Variants in NYAP2 observed in about 807,000 individuals in gnomAD.
NYAP2 encodes the protein neuronal tyrosine-phosphorylated phosphoinositide-3-kinase adaptor 2, also known as neuronal tyrosine-phosphorylated phosphoinositide-3-kinase adapter 2.
NYAP2 carries 23 observed loss-of-function variants against 50.4 expected under a neutral mutation model. The ratio of observed to expected loss-of-function variants is 0.46; its 90% CI spans 0.33 to 0.65. NYAP2 has a LOEUF of 0.65. Ranked by LOEUF, NYAP2 falls within the 30% of genes least tolerant of loss-of-function variation. The probability of loss-of-function intolerance (pLI) is 0.02; values close to 1 mark genes in which losing one functional copy is unlikely to be tolerated. For missense variants in NYAP2, 885 were observed against 861.0 expected, an observed-to-expected ratio of 1.03 and a Z score of -0.35; for synonymous variants, 394 against 365.2, an observed-to-expected ratio of 1.08 and a Z score of -0.90.
intron 2 of NYAP2, among the ~76,000 whole-genome samples, chr2:225,406,580 C>T (rs1041525608): frequency 1.3e-5 from 2 of 151,834 alleles, no homozygotes; most frequent in Non-Finnish European, 2.9e-5. Flanking sequence ...AAAGAATGGT[C>T]ATGGAATTTA....
At chr2:225,583,119 A>T in intron 5 of NYAP2, 84 bp downstream of exon 5, 2 of 1,449,666 alleles carry the variant, frequency 1.4e-6, no homozygotes, top group Admixed American at 4.8e-5. Context: ...CAGATAACGC[A>T]CAGAGTACGG....
intron 3 of NYAP2, among the ~76,000 whole-genome samples, chr2:225,485,679 C>T (rs1203906913): frequency 6.6e-6 from 1 of 152,170 alleles, no homozygotes; most frequent in Non-Finnish European, 1.5e-5. Flanking sequence ...ATTCAGTCCC[C>T]TCTTACTGAA....
intron 3 of NYAP2, among the ~76,000 whole-genome samples, chr2:225,487,601 C>A (rs1366461056): frequency 6.6e-6 from 1 of 152,080 alleles, no homozygotes; most frequent in African/African-American, 2.4e-5. Flanking sequence ...CTCAAGTGAT[C>A]CAACTGCTTC....
chr2:225,437,545 A>G (rs942005287), intron 3 of NYAP2, among the ~76,000 whole-genome samples: 1 of 152,166 alleles, frequency 6.6e-6, no homozygotes, highest in African/African-American at 2.4e-5. Flanking sequence ...ACTTCCTGCC[A>G]CTAATTGGAA....
intron 3 of NYAP2, among the ~76,000 whole-genome samples, chr2:225,497,524 GT>G (rs1690528936): frequency 6.6e-6 from 1 of 152,146 alleles, no homozygotes; most frequent in Non-Finnish European, 1.5e-5. Flanking sequence ...AAGGTGATGT[GT>G]CCAATAGAAA....
At chr2:225,691,242 T>C in the NYAP2 span, among the ~76,000 whole-genome samples, 2 of 152,124 alleles carry the variant, frequency 1.3e-5, no homozygotes, top group Admixed American at 6.6e-5. Flanking sequence ...TATTTCCAGC[T>C]TTATGAGCCT....
intron 4 of NYAP2, among the ~76,000 whole-genome samples, chr2:225,561,637 T>C (rs1691875965): frequency 6.6e-6 from 1 of 152,010 alleles, no homozygotes; most frequent in East Asian, 1.9e-4. Context: ...CACAGAGGCA[T>C]AGAGGCAGCT....
At chr2:225,607,353 C>T (rs1284229648) in intron 5 of NYAP2, among the ~76,000 whole-genome samples, 1 of 152,036 alleles carries the variant, frequency 6.6e-6, no homozygotes, top group African/African-American at 2.4e-5. Context: ...TGTACTATGC[C>T]AGTCTATTCA....
the NYAP2 span, among the ~76,000 whole-genome samples, chr2:225,679,393 G>A: frequency 6.6e-6 from 1 of 151,278 alleles, no homozygotes; most frequent in South Asian, 2.1e-4. Context: ...ATATTTAATT[G>A]AAGTAATTCT....
chr2:225,689,667 T>C, the NYAP2 span, among the ~76,000 whole-genome samples: 11 of 152,184 alleles, frequency 7.2e-5, no homozygotes, highest in Non-Finnish European at 1.6e-4. Flanking sequence ...TAATAATTTT[T>C]CATAAAACAT....
intron 3 of NYAP2, among the ~76,000 whole-genome samples, chr2:225,426,682 T>G (rs528477965): frequency 6.6e-6 from 1 of 152,344 alleles, no homozygotes; most frequent in Admixed American, 6.5e-5. Flanking sequence ...TTGGCTTGCA[T>G]ATTTGTTCAC....
intron 4 of NYAP2, among the ~76,000 whole-genome samples, chr2:225,532,052 A>G (rs1267364453): frequency 1.3e-5 from 2 of 152,240 alleles, no homozygotes; most frequent in African/African-American, 4.8e-5. Flanking sequence ...TTGAGATGCA[A>G]CAGAGAGCTG....
the NYAP2 span, among the ~76,000 whole-genome samples, chr2:225,673,639 C>T: frequency 6.6e-6 from 1 of 152,188 alleles, no homozygotes; most frequent in East Asian, 1.9e-4. Flanking sequence ...ATGGTTCTTA[C>T]CTTGACCACT....
At chr2:225,652,357 G>A (rs1050169667) in exon 7 of NYAP2, 4 of 152,182 alleles carry the variant, frequency 2.6e-5, no homozygotes, top group Non-Finnish European at 5.9e-5. Context: ...CATGGTAAAT[G>A]AGATCTCAAT....
At chr2:225,413,002 T>C (rs1278426222) in intron 3 of NYAP2, among the ~76,000 whole-genome samples, 2 of 152,162 alleles carry the variant, frequency 1.3e-5, no homozygotes. Context: ...TCTCAAACAC[T>C]ATTTTATTAC....
chr2:225,527,348 C>T (rs1210152487), intron 4 of NYAP2, among the ~76,000 whole-genome samples: 2 of 152,122 alleles, frequency 1.3e-5, no homozygotes, highest in Non-Finnish European at 2.9e-5. Context: ...AGCAACATAC[C>T]TCTATTAGTT....
intron 3 of NYAP2, among the ~76,000 whole-genome samples, chr2:225,498,962 C>T (rs1690553930): frequency 6.6e-6 from 1 of 152,124 alleles, no homozygotes; most frequent in Admixed American, 6.5e-5. Flanking sequence ...GAATAGATGT[C>T]TCAGAATGCA....
At chr2:225,504,720 T>C (rs1280267697) in intron 3 of NYAP2, among the ~76,000 whole-genome samples, 1 of 152,062 alleles carries the variant, frequency 6.6e-6, no homozygotes, top group East Asian at 1.9e-4. Context: ...TTAAAATATA[T>C]CATTTTAGGC....
intron 3 of NYAP2, among the ~76,000 whole-genome samples, chr2:225,449,773 T>G (rs974632463): frequency 1.3e-5 from 2 of 151,468 alleles, no homozygotes; most frequent in Non-Finnish European, 2.9e-5. Context: ...CACACCCGGC[T>G]AACTTTGCTT....
Sources: gnomAD v4.1 joint callset for allele counts (sites outside exome capture counted in the v4.1 genomes callset) on GRCh38, gnomAD v4.1.1 for gene constraint, MANE v1.5 for transcripts, NCBI Gene and HGNC (gene_info 2026-07-23, HGNC 2026-07-21) for gene names.